SAYSD1: variants seen among roughly 807,000 people sequenced by gnomAD.
The protein encoded by SAYSD1 is SAYSvFN domain-containing protein 1.
In SAYSD1, 15 loss-of-function variants were observed where a neutral mutation model predicts 14.5. That is an observed-to-expected ratio of 1.03 (90% confidence interval 0.69 to 1.59). The LOEUF (loss-of-function observed/expected upper bound fraction) is 1.59, where lower values mean the gene tolerates loss of function less well. SAYSD1 is among the 40% of genes most tolerant of loss of function. The pLI is 0.00. For synonymous variants in SAYSD1, 105 were observed against 102.6 expected, an observed-to-expected ratio of 1.02 and a Z score of -0.14; for missense variants, 247 against 227.3, an observed-to-expected ratio of 1.09 and a Z score of -0.56.
intron 1 of SAYSD1, chr6:39,109,521 G>A: frequency 2.1e-6 from 3 of 1,455,466 alleles, no homozygotes; most frequent in Non-Finnish European, 2.7e-6. Flanking sequence ...CCAAATGGAG[G>A]CCGCAGTGGC....
Position 39,109,704 on chromosome 6 carries a change from C to A in SAYSD1, c.208-3928G>T, listed in dbSNP as rs1029007769. On this transcript the variant is annotated intron_variant, in intron 1 of 1. Transcript: ENST00000229903. ...GGGACTTCCTCTACCAGGCTCATTT[C>A]CTTGGACCTAATATCCTCTGGGTTT... 8 of 881,610 alleles carry A rather than the reference C, an allele frequency of 9.1e-6. No homozygotes were observed. The African/African-American group carries it at 1.4e-4, about 16-fold the overall frequency. The allele number at this position is 881,610 out of a possible 1,614,324, so 54.6% of individuals were successfully genotyped here.
intron 1 of SAYSD1, 25 bp from the exon 2 acceptor site, chr6:39,105,801 A>G: frequency 6.3e-7 from 1 of 1,599,622 alleles, no homozygotes; most frequent in Non-Finnish European, 8.5e-7. Context: ...CAAACAAAAG[A>G]AAGAATAAAG....
intron 1 of SAYSD1, among the ~76,000 whole-genome samples, chr6:39,108,297 G>T (rs1769540613): frequency 6.6e-6 from 1 of 151,912 alleles, no homozygotes; most frequent in East Asian, 1.9e-4. Context: ...CATAAAACTA[G>T]TGATAGGCAG....
At chr6:39,106,833 T>C (rs866978794) in intron 1 of SAYSD1, among the ~76,000 whole-genome samples, 9 of 152,220 alleles carry the variant, frequency 5.9e-5, no homozygotes, top group South Asian at 2.1e-4. Flanking sequence ...GAAATGCCAG[T>C]AGACAGGCCC....
At chr6:39,109,335 G>T in intron 1 of SAYSD1, 1 of 1,551,076 alleles carries the variant, frequency 6.4e-7, no homozygotes, top group Non-Finnish European at 8.7e-7. Context: ...TCCTAATGTG[G>T]AAGAAGCTCG....
chr6:39,105,310 A>C lies in SAYSD1; in HGVS notation c.*122T>G. 1 of 746,224 alleles carries C rather than the reference A, an allele frequency of 1.3e-6. No homozygotes were observed. The highest frequency in any genetic ancestry group is 2.2e-6 in the Non-Finnish European group (1 of 451,804). The allele number at this position is 746,224 out of a possible 1,614,324, so 46.2% of individuals were successfully genotyped here. A position where few individuals can be genotyped will look rare whatever the true frequency, so the allele number is the denominator to read the frequency against. Reference sequence around the variant, plus strand: ...AAGATCAGGGAAAGAAGGTAGAAAAACTATGCAGTCACAGAGCTAACCCGC... The same window carrying C: ...AAGATCAGGGAAAGAAGGTAGAAAACCTATGCAGTCACAGAGCTAACCCGC... On this transcript the variant is annotated 3_prime_UTR_variant, in exon 2 of 2. Transcript: ENST00000229903.
At chr6:39,113,323 A>G (rs544790771) in intron 1 of SAYSD1, 1 of 152,800 alleles carries the variant, frequency 6.5e-6, no homozygotes, top group East Asian at 1.9e-4. Context: ...ATAATTTAAA[A>G]AAATAGAATG....
At position 39,114,839 on chromosome 6, in the gene SAYSD1, G is replaced by A. The variant is rs752991404; in HGVS notation, c.207+44C>T. On this transcript the variant is annotated intron_variant, in intron 1 of 1. Transcript: ENST00000229903. ...CAGCTAGGGCCGCGCCCTCGACTGT[G>A]GCTCCGAGGCCAGGTCCTAGGGCCG... 1.4e-4 allele frequency: 228 copies of A among 1,581,712 alleles called. No homozygotes were observed. The Middle Eastern group carries it at 3.9e-3, about 27-fold the overall frequency.
chr6:39,107,505 T>C (rs1451097144), intron 1 of SAYSD1, among the ~76,000 whole-genome samples: 1 of 152,232 alleles, frequency 6.6e-6, no homozygotes, highest in African/African-American at 2.4e-5. Context: ...AGGTTCTCAA[T>C]TCATAGCAGA....
intron 1 of SAYSD1, chr6:39,112,645 C>T (rs938086963): frequency 1.3e-5 from 2 of 152,162 alleles, no homozygotes; most frequent in African/African-American, 2.4e-5. Context: ...TACAAAAGGA[C>T]CTAAGCCAAG....
intron 1 of SAYSD1, chr6:39,111,824 T>G (rs542436335): frequency 6.6e-6 from 1 of 152,270 alleles, no homozygotes; most frequent in Non-Finnish European, 1.5e-5. Context: ...CTGAGTTTAG[T>G]GTACTGAAGG....
rs757099329 is a variant in SAYSD1 at position 39,105,201 on chromosome 6, A to C, written c.*231T>G. On this transcript the variant is annotated 3_prime_UTR_variant, in exon 2 of 2. Transcript: ENST00000229903. Reference sequence around the variant, plus strand: ...CAAACAGGTCTCCCTTCTTGAGTACATAATTTTTATAAATTGCGTCGGACC... The same window carrying C: ...CAAACAGGTCTCCCTTCTTGAGTACCTAATTTTTATAAATTGCGTCGGACC... 3 of 523,396 alleles carry C rather than the reference A, an allele frequency of 5.7e-6. No homozygotes were observed. The highest frequency in any genetic ancestry group is 3.4e-5 in the Admixed American group (1 of 29,722). The allele number at this position is 523,396 out of a possible 1,614,324, so 32.4% of individuals were successfully genotyped here.
At chr6:39,114,735 C>G in intron 1 of SAYSD1, 148 bp downstream of exon 1, 1 of 732,056 alleles carries the variant, frequency 1.4e-6, no homozygotes, top group Non-Finnish European at 2.3e-6. Context: ...ACACGTGTGG[C>G]CGGAGATGAG....
chr6:39,110,283 G>C (rs1562028852), intron 1 of SAYSD1: 1 of 162,512 alleles, frequency 6.2e-6, no homozygotes, highest in Admixed American at 6.2e-5. Context: ...ATTCCATTGT[G>C]CAAATATCCT....
chr6:39,107,378 A>G (rs1457057354), intron 1 of SAYSD1, among the ~76,000 whole-genome samples: 1 of 152,104 alleles, frequency 6.6e-6, no homozygotes, highest in Admixed American at 6.5e-5. Context: ...TTAAGCACCA[A>G]ACTATTCAGC....
At position 39,115,042 on chromosome 6, in the gene SAYSD1, A is replaced by C. The variant is rs765339479; in HGVS notation, c.48T>G (p.Gly16=). ...TGGCAGCAGGGGGTTGGGCCGCCAG[A>C]CCCGCCCGTTTCCGCGCCGCCCGAA... is the stretch of plus-strand genomic sequence containing the variant. The part of the protein sequence containing the change: ...AEFRAARKRA[G]LAAQPPAASQ... The change falls in exon 1 of 2, where the codon GGT becomes GGG. Residue 16 remains glycine (G), a synonymous_variant. Transcript: ENST00000229903. 8.7e-6 allele frequency: 14 copies of C among 1,611,598 alleles called. No homozygotes were observed. Among genetic ancestry groups the C allele is most frequent in the Non-Finnish European group, 1.2e-5 (14 of 1,179,840 alleles).
At position 39,115,158 on chromosome 6, in the gene SAYSD1, G is replaced by C. The variant is rs1027576972; in HGVS notation, c.-69C>G. On this transcript the variant is annotated 5_prime_UTR_variant, in exon 1 of 2. Coordinates refer to ENST00000229903, the MANE Select transcript of SAYSD1 (RefSeq NM_018322.3). Reference sequence around the variant, plus strand: ...CGCAGGCCGCACAGCAGTTGCCTCCGCTCGGCCCGCGCCGGCCGCCGTGCG... The same window carrying C: ...CGCAGGCCGCACAGCAGTTGCCTCCCCTCGGCCCGCGCCGGCCGCCGTGCG... The C allele has an allele frequency of 7.0e-7, 1 of 1,419,714 alleles. No homozygotes were observed. 87.9% of individuals were successfully genotyped at this position (1,419,714 alleles called of 1,614,324 possible).
Position 39,105,165 on chromosome 6 carries a change from G to A in SAYSD1, c.*267C>T, listed in dbSNP as rs1769470268. ...CTCTAAAATCATCTCCCAAACAGAT[G>A]AGAAATGAAACAAACAGGTCTCCCT... is the stretch of plus-strand genomic sequence containing the variant. On this transcript the variant is annotated 3_prime_UTR_variant, in exon 2 of 2. Transcript: ENST00000229903. 1 of 438,058 alleles carries A rather than the reference G, an allele frequency of 2.3e-6. No homozygotes were observed. The highest frequency in any genetic ancestry group is 4.1e-6 in the Non-Finnish European group (1 of 242,530). 27.1% of individuals were successfully genotyped at this position (438,058 alleles called of 1,614,324 possible).
At chr6:39,112,106 T>C (rs905956363) in intron 1 of SAYSD1, 1 of 151,994 alleles carries the variant, frequency 6.6e-6, no homozygotes, top group African/African-American at 2.4e-5. Context: ...TGCATGAAAA[T>C]TGCTTGTTGA....
Sources: allele counts gnomAD v4.1 joint callset (sites outside exome capture counted in the v4.1 genomes callset), GRCh38; gene constraint gnomAD v4.1.1; transcripts MANE v1.5; gene names NCBI Gene and HGNC (gene_info 2026-07-23, HGNC 2026-07-21).